LRRK2: variants seen among roughly 807,000 people sequenced by gnomAD.
The protein encoded by LRRK2 is leucine rich repeat kinase 2.
LRRK2 carries 203 observed loss-of-function variants against 302.6 expected under a neutral mutation model. That is an observed-to-expected ratio of 0.67 (90% CI 0.60 to 0.75). The LOEUF is 0.75. LRRK2 is among the 30% of genes least tolerant of loss of function. LRRK2 has a pLI of 0.00. For missense variants in LRRK2, 2,830 were observed against 2,951.0 expected (o/e 0.96, Z 0.95); for synonymous variants, 1,066 against 1,031.9 (o/e 1.03, Z -0.63).
intron 30 of LRRK2, among the ~76,000 whole-genome samples, chr12:40,309,969 C>T (rs1944980734): frequency 6.6e-6 from 1 of 152,116 alleles, no homozygotes; most frequent in Admixed American, 6.6e-5. Context: ...GTCATATTTG[C>T]TTGAGTGGCT....
At position 40,299,100 on chromosome 12, in the gene LRRK2, T is replaced by C; in HGVS notation, c.3348-9T>C. On this transcript the variant is annotated splice_polypyrimidine_tract_variant and intron_variant, in intron 24 of 50. Coordinates refer to ENST00000298910, the MANE Select transcript of LRRK2 (RefSeq NM_198578.4). ...GCAATTTAATCATTATCTTGTCTCT[T>C]GTGACTAGAAATAAAATATCAGGGA... 6.2e-7 allele frequency: 1 copy of C among 1,611,644 alleles called. No homozygotes were observed. The highest frequency in any genetic ancestry group is 8.5e-7 in the Non-Finnish European group (1 of 1,178,640).
chr12:40,312,524 T>G (rs1945068042), intron 31 of LRRK2, among the ~76,000 whole-genome samples: 1 of 152,124 alleles, frequency 6.6e-6, no homozygotes. Flanking sequence ...CATATTTGCC[T>G]TTGATCTTAG....
chr12:40,299,376 G>A (rs1944533473), intron 25 of LRRK2, 119 bp downstream of exon 25: 4 of 1,107,466 alleles, frequency 3.6e-6, no homozygotes, highest in South Asian at 1.4e-5. Context: ...TATTATGCTG[G>A]ATTTAAAAAA....
At chr12:40,348,752 T>C (rs1474525846) in intron 43 of LRRK2, among the ~76,000 whole-genome samples, 3 of 152,122 alleles carry the variant, frequency 2.0e-5, no homozygotes, top group Non-Finnish European at 4.4e-5. Context: ...GCCCATTATT[T>C]TGCCCATTTT....
At chr12:40,295,701 A>G (rs1944360472) in intron 23 of LRRK2, 57 bp downstream of exon 23, 2 of 1,501,978 alleles carry the variant, frequency 1.3e-6, no homozygotes, top group Non-Finnish European at 1.8e-6. Context: ...TTGTATTTAT[A>G]TCTAATTTGC....
At chr12:40,318,306 A>G (rs1291630666) in intron 33 of LRRK2, among the ~76,000 whole-genome samples, 1 of 152,128 alleles carries the variant, frequency 6.6e-6, no homozygotes, top group Non-Finnish European at 1.5e-5. Context: ...GGAAACTTCC[A>G]CTATAAATAG....
intron 14 of LRRK2, among the ~76,000 whole-genome samples, chr12:40,266,652 G>A (rs930955370): frequency 6.6e-6 from 1 of 152,112 alleles, no homozygotes; most frequent in Admixed American, 6.6e-5. Flanking sequence ...CTGTTAGTGG[G>A]TATATACCCA....
In LRRK2 at chr12:40,350,348, A is replaced by T. The variant is rs186633326; in HGVS notation, c.6382-1191A>T. Among the ~76,000 whole-genome samples the T allele has an allele frequency of 5.9e-5, 9 of 152,202 alleles. No homozygotes were observed. The East Asian group carries it at 1.2e-3, about 20-fold the overall frequency. ...CAAGTCTGGCTTTAGGGGTCCACTG[A>T]CCTCTCTGGTTTCTGTCTCTCACTG... On this transcript the variant is annotated intron_variant, in intron 43 of 50. Coordinates refer to ENST00000298910, the MANE Select transcript of LRRK2 (RefSeq NM_198578.4).
At chr12:40,357,632 T>G (rs1194724519) in intron 46 of LRRK2, among the ~76,000 whole-genome samples, 5 of 152,236 alleles carry the variant, frequency 3.3e-5, no homozygotes, top group African/African-American at 1.2e-4. Context: ...ATAATAGCCA[T>G]TCTAATTGGG....
At chr12:40,321,919 C>A in intron 35 of LRRK2, 116 bp from the exon 36 acceptor site, 4 of 1,010,580 alleles carry the variant, frequency 4.0e-6, no homozygotes, top group Non-Finnish European at 4.5e-6. Context: ...TCAGTAACAA[C>A]CCAATACTTT....
chr12:40,299,370 A>G, intron 25 of LRRK2, 113 bp downstream of exon 25: 2 of 1,164,528 alleles, frequency 1.7e-6, no homozygotes, highest in Non-Finnish European at 2.5e-6. Context: ...TTTAAATATT[A>G]TGCTGGATTT....
Position 40,322,063 on chromosome 12 carries a change from T to G in LRRK2, c.5199T>G (p.Tyr1733Ter). The change falls in exon 36 of 51, where the codon TAT becomes TAG. Residue 1733 changes from tyrosine (Y) to a stop codon, truncating the protein, a stop_gained. Coordinates refer to ENST00000298910, the MANE Select transcript of LRRK2 (RefSeq NM_198578.4). LOFTEE classifies it high-confidence loss of function. ...RERALRPNRM[Y>*]WRQGIYLNWS... is the part of the protein sequence containing the mutation. ...GAGCACTTCGCCCAAACAGAATGTA[T>G]TGGCGACAAGGCATTTACTTAAATT... 6.2e-7 allele frequency: 1 copy of G among 1,613,480 alleles called. No homozygotes were observed. Among genetic ancestry groups the G allele is most frequent in the Non-Finnish European group, 8.5e-7 (1 of 1,179,510 alleles).
Position 40,321,047 on chromosome 12 carries a change from A to G in LRRK2, c.5029A>G (p.Arg1677Gly). Residue 1677 changes from arginine to glycine, a missense_variant, in exon 35 of 51, where the codon AGG becomes GGG. Arg to Gly is a moderately radical substitution (Grantham distance 125). Transcript: ENST00000298910. ...LLVPSSLSDH[R>G]PVIELPHCEN... ...TTTTGCCTTTAGTTTGTCTGACCAC[A>G]GGCCTGTGATAGAGCTTCCCCATTG... 7.4e-6 allele frequency: 12 copies of G among 1,612,696 alleles called. No homozygotes were observed. Among genetic ancestry groups the G allele is most frequent in the Non-Finnish European group, 1.0e-5 (12 of 1,178,898 alleles).
At chr12:40,241,817 C>CT (rs931409764) in intron 6 of LRRK2, among the ~76,000 whole-genome samples, 4 of 151,794 alleles carry the variant, frequency 2.6e-5, no homozygotes, top group African/African-American at 9.7e-5. Flanking sequence ...TGAAAGAATG[C>CT]TTTTTTTTGG....
At chr12:40,348,613 G>A in intron 43 of LRRK2, 104 bp downstream of exon 43, 1 of 783,898 alleles carries the variant, frequency 1.3e-6, no homozygotes, top group East Asian at 2.7e-5. Flanking sequence ...AACACACAGA[G>A]ACAGAATTAA....
At chr12:40,268,505 G>T (rs188023045) in intron 14 of LRRK2, among the ~76,000 whole-genome samples, 12 of 152,202 alleles carry the variant, frequency 7.9e-5, no homozygotes. Flanking sequence ...GAAGCTTAGG[G>T]GTAGAGAGGA....
At chr12:40,308,261 A>G (rs906416355) in intron 28 of LRRK2, among the ~76,000 whole-genome samples, 1 of 152,044 alleles carries the variant, frequency 6.6e-6, no homozygotes, top group African/African-American at 2.4e-5. Context: ...TGGTGATTTT[A>G]CCAAACATTA....
rs1946002407 is a variant in LRRK2 at position 40,340,343 on chromosome 12, G to A, written c.5998G>A (p.Val2000Met). ...ATACCGAGACCTGAAACCCCACAAT[G>A]TGCTGCTTTTCACACTGTATCCCAA... ...IIYRDLKPHNVLLFTLYPNAA... is the reference protein window; with the variant it reads ...IIYRDLKPHNMLLFTLYPNAA... Residue 2000 changes from valine (V) to methionine (M), a missense_variant, in exon 41 of 51, where the codon GTG becomes ATG. Physicochemically the swap from Val to Met is conservative, Grantham distance 21 (BLOSUM62 1). This residue lies in a region of LRRK2 where 253 missense variants were observed against 346.7 expected (regional missense o/e 0.73). Transcript: ENST00000298910. 1.2e-6 allele frequency: 2 copies of A among 1,613,706 alleles called. No individual in the cohort carries two copies. Among genetic ancestry groups the A allele is most frequent in the East Asian group, 2.2e-5 (1 of 44,886 alleles).
intron 46 of LRRK2, among the ~76,000 whole-genome samples, chr12:40,357,651 A>G (rs1439126097): frequency 6.6e-6 from 1 of 151,916 alleles, no homozygotes; most frequent in Non-Finnish European, 1.5e-5. Context: ...GGTGAAGAAG[A>G]TTTCATTGTG....
Sources: gnomAD v4.1 joint callset for allele counts (sites outside exome capture counted in the v4.1 genomes callset) on GRCh38, gnomAD v4.1.1 for gene constraint, gnomAD v4.1.1 regional missense constraint, MANE v1.5 for transcripts, NCBI Gene and HGNC (gene_info 2026-07-23, HGNC 2026-07-21) for gene names.